The following HTR1E variants were observed in gnomAD, a reference collection of about 807,000 sequenced individuals.
HTR1E encodes the protein 5-hydroxytryptamine receptor 1E, also known as 5-HT-1E.
A neutral mutation model predicts 3.4 loss-of-function variants in HTR1E; 3 were observed. The observed-to-expected ratio is 0.89, with a 90% CI of 0.41 to 2.31. The LOEUF is 2.31. Among genes scored for constraint, HTR1E ranks in the 30% most tolerant of loss-of-function variants. The pLI, the probability that HTR1E is intolerant of heterozygous loss-of-function variation, is 0.05. For synonymous variants in HTR1E, 170 were observed against 182.8 expected (o/e 0.93, Z 0.56); for missense variants, 392 against 467.0 (o/e 0.84, Z 1.48).
chr6:86,964,597 C>T (rs1170862230), intron 1 of HTR1E, among the ~76,000 whole-genome samples: 1 of 152,186 alleles, frequency 6.6e-6, no homozygotes, highest in African/African-American at 2.4e-5. Flanking sequence ...CTAAGTTAAA[C>T]CTCTCTTTAT....
chr6:87,007,473 T>C (rs1352825042), intron 1 of HTR1E, among the ~76,000 whole-genome samples: 3 of 151,984 alleles, frequency 2.0e-5, no homozygotes, highest in African/African-American at 7.3e-5. Context: ...AATAACAGAG[T>C]ACAATTGGAC....
intron 1 of HTR1E, among the ~76,000 whole-genome samples, chr6:86,994,727 T>C (rs1485794747): frequency 6.6e-6 from 1 of 152,072 alleles, no homozygotes; most frequent in Non-Finnish European, 1.5e-5. Flanking sequence ...TATGCTTTCA[T>C]TTTCCTCTTG....
intron 1 of HTR1E, among the ~76,000 whole-genome samples, chr6:86,985,768 A>G (rs1306177781): frequency 2.0e-5 from 3 of 152,198 alleles, no homozygotes; most frequent in Non-Finnish European, 4.4e-5. Context: ...TTTAGCCCCA[A>G]TTACCAGTAT....
At chr6:86,969,314 A>T (rs1056303269) in intron 1 of HTR1E, among the ~76,000 whole-genome samples, 1 of 152,182 alleles carries the variant, frequency 6.6e-6, no homozygotes, top group Non-Finnish European at 1.5e-5. Flanking sequence ...TCAGAGAAAA[A>T]GTAGGGACAA....
intron 1 of HTR1E, among the ~76,000 whole-genome samples, chr6:86,964,533 TTC>T (rs144536149): frequency 2.0e-5 from 3 of 152,132 alleles, no homozygotes; most frequent in Non-Finnish European, 2.9e-5. Context: ...CTTAAATTCT[TTC>T]TCTCTTTCTC....
At chr6:87,010,336 C>T (rs1452264186) in intron 1 of HTR1E, among the ~76,000 whole-genome samples, 7 of 117,166 alleles carry the variant, frequency 6.0e-5, no homozygotes, top group Admixed American at 1.7e-4. Flanking sequence ...CACCTCCCTC[C>T]CGGACGGGGC....
intron 1 of HTR1E, among the ~76,000 whole-genome samples, chr6:87,012,208 G>A (rs950955664): frequency 2.0e-5 from 3 of 152,132 alleles, no homozygotes; most frequent in African/African-American, 7.2e-5. Context: ...AAACCTCAAT[G>A]CCTTGGCCCT....
chr6:87,016,525 T>A lies in HTR1E; in HGVS notation c.*93T>A. The A allele has an allele frequency of 9.3e-7, 1 of 1,074,076 alleles. No homozygotes were observed. The highest frequency in any genetic ancestry group is 2.4e-5 in the East Asian group (1 of 41,348). 66.5% of individuals were successfully genotyped at this position (1,074,076 alleles called of 1,614,324 possible). On this transcript the variant is annotated 3_prime_UTR_variant, in exon 2 of 2. Transcript: ENST00000305344. Reference sequence around the variant, plus strand: ...CTTATTAATTCTTGAACATACTTGGTTCAGGAGAGTTTGTAAGTATGTGTG... The same window carrying A: ...CTTATTAATTCTTGAACATACTTGGATCAGGAGAGTTTGTAAGTATGTGTG...
chr6:87,013,794 A>G (rs966125020), intron 1 of HTR1E, among the ~76,000 whole-genome samples: 1 of 152,184 alleles, frequency 6.6e-6, no homozygotes, highest in Non-Finnish European at 1.5e-5. Flanking sequence ...ACAAATTTAT[A>G]GGAAAAAAAC....
intron 1 of HTR1E, among the ~76,000 whole-genome samples, chr6:87,010,513 C>T (rs1288320529): frequency 1.3e-3 from 180 of 136,854 alleles, no homozygotes; most frequent in African/African-American, 3.8e-3. Context: ...CCAGATGGGG[C>T]GGCGGGGCAG....
chr6:86,993,110 C>A (rs1227581539), intron 1 of HTR1E, among the ~76,000 whole-genome samples: 1 of 152,044 alleles, frequency 6.6e-6, no homozygotes, highest in Non-Finnish European at 1.5e-5. Context: ...ACCACTTATG[C>A]TCAAAGTTCA....
intron 1 of HTR1E, among the ~76,000 whole-genome samples, chr6:86,988,478 G>A (rs1388829349): frequency 2.6e-5 from 4 of 152,122 alleles, no homozygotes; most frequent in East Asian, 1.9e-4. Flanking sequence ...TCCCAAGCCC[G>A]AATTCCCACA....
intron 1 of HTR1E, among the ~76,000 whole-genome samples, chr6:86,991,788 T>C (rs1375855747): frequency 6.6e-6 from 1 of 152,176 alleles, no homozygotes; most frequent in Non-Finnish European, 1.5e-5. Context: ...GAAACACAAA[T>C]GTGTAGCGGC....
intron 1 of HTR1E, among the ~76,000 whole-genome samples, chr6:87,012,121 G>A (rs1477045161): frequency 6.6e-6 from 1 of 152,166 alleles, no homozygotes. Context: ...TGAAAGAACT[G>A]TAGGAGTGGG....
At position 87,015,340 on chromosome 6, in the gene HTR1E, C is replaced by T; in HGVS notation, c.6C>T (p.Asn2=). The T allele has an allele frequency of 6.5e-7, 1 of 1,546,060 alleles. No homozygotes were observed. Among genetic ancestry groups the T allele is most frequent in the Non-Finnish European group, 8.8e-7 (1 of 1,142,520 alleles). Residue 2 remains asparagine, a synonymous_variant, in exon 2 of 2, where the codon AAC becomes AAT. Coordinates refer to ENST00000305344, the MANE Select transcript of HTR1E (RefSeq NM_000865.3). M[N]ITNCTTEASM... ...TAGACTGAAACAAGGGAAACATGAA[C>T]ATCACAAACTGTACCACAGAGGCCA...
intron 1 of HTR1E, among the ~76,000 whole-genome samples, chr6:87,006,765 C>T (rs1562073113): frequency 6.6e-6 from 1 of 152,176 alleles, no homozygotes; most frequent in South Asian, 2.1e-4. Flanking sequence ...GAGATCATGT[C>T]CTTTGCAGGG....
At chr6:86,993,137 C>T (rs1049031618) in intron 1 of HTR1E, among the ~76,000 whole-genome samples, 1 of 151,898 alleles carries the variant, frequency 6.6e-6, no homozygotes, top group Non-Finnish European at 1.5e-5. Flanking sequence ...AAAAGAAGAA[C>T]CAGAAAAGGA....
chr6:86,999,461 TGAG>T (rs1422016898), intron 1 of HTR1E, among the ~76,000 whole-genome samples: 9 of 152,184 alleles, frequency 5.9e-5, no homozygotes, highest in African/African-American at 1.7e-4. Flanking sequence ...GAGACCTCAC[TGAG>T]GGCTAACATA....
chr6:87,011,745 T>C (rs111349656), intron 1 of HTR1E, among the ~76,000 whole-genome samples: 2,658 of 152,212 alleles, frequency 0.017, 81 homozygotes, highest in African/African-American at 0.059. Context: ...AGCGGAAGTA[T>C]CAGACAGTAA....
Sources: gnomAD v4.1 joint callset for allele counts (sites outside exome capture counted in the v4.1 genomes callset) on GRCh38, gnomAD v4.1.1 for gene constraint, MANE v1.5 for transcripts, NCBI Gene and HGNC (gene_info 2026-07-23, HGNC 2026-07-21) for gene names.